MTFR1: variants seen among roughly 807,000 people sequenced by gnomAD.
MTFR1 encodes mitochondrial fission regulator 1.
In MTFR1, 28 loss-of-function variants were observed where a neutral mutation model predicts 38.8. The observed-to-expected ratio is 0.72, with a 90% CI of 0.53 to 0.99. The LOEUF is 0.99. Among genes scored for constraint, MTFR1 ranks in the 50% least tolerant of loss-of-function variants. The pLI is 0.00. For missense variants in MTFR1, 358 were observed against 395.5 expected, an observed-to-expected ratio of 0.91 and a Z score of 0.81; for synonymous variants, 145 against 137.0, an observed-to-expected ratio of 1.06 and a Z score of -0.41.
chr8:65,653,940 A>G (rs1184139362), intron 1 of MTFR1, among the ~76,000 whole-genome samples: 1 of 151,862 alleles, frequency 6.6e-6, no homozygotes, highest in East Asian at 1.9e-4. Flanking sequence ...TGATATGCCT[A>G]TAGTCCTAGC....
chr8:65,703,195 T>G (rs932158159), intron 4 of MTFR1, among the ~76,000 whole-genome samples: 1 of 151,140 alleles, frequency 6.6e-6, no homozygotes, highest in Non-Finnish European at 1.5e-5. Flanking sequence ...TGGGCAACAT[T>G]GTGAGACCCT....
intron 3 of MTFR1, among the ~76,000 whole-genome samples, chr8:65,732,469 C>T (rs994145500): frequency 1.3e-5 from 2 of 152,166 alleles, no homozygotes; most frequent in African/African-American, 2.4e-5. Context: ...GAGTATAAAA[C>T]GTGATGCTGT....
Position 65,719,534 on chromosome 8 carries a change from T to G in MTFR1, c.*48+53T>G, listed in dbSNP as rs200359177. ...GAGAAAAAGTTATTAACATATATGC[T>G]GAAACTCTATCTTTAAAACATCATC... On this transcript the variant is annotated intron_variant, in intron 3 of 3. Transcript: ENST00000521247. 5 of 1,288,526 alleles carry G rather than the reference T, an allele frequency of 3.9e-6. No individual in the cohort carries two copies. In the East Asian group the frequency reaches 1.2e-4, roughly 30 times the overall value. The allele number at this position is 1,288,526 out of a possible 1,614,324, so 79.8% of individuals were successfully genotyped here. A position where few individuals can be genotyped will look rare whatever the true frequency, so the allele number is the denominator to read the frequency against.
intron 3 of MTFR1, among the ~76,000 whole-genome samples, chr8:65,764,062 A>G (rs1169797048): frequency 6.6e-6 from 1 of 152,254 alleles, no homozygotes; most frequent in Non-Finnish European, 1.5e-5. Flanking sequence ...AACTGCACAT[A>G]CATGGGGCAG....
chr8:65,654,857 G>A (rs1809213466), intron 1 of MTFR1, among the ~76,000 whole-genome samples: 1 of 152,130 alleles, frequency 6.6e-6, no homozygotes, highest in Non-Finnish European at 1.5e-5. Context: ...GATTCCAGGT[G>A]TGAGCCACCG....
chr8:65,661,560 C>T (rs755624633), intron 1 of MTFR1, among the ~76,000 whole-genome samples: 3 of 151,918 alleles, frequency 2.0e-5, no homozygotes, highest in African/African-American at 4.8e-5. Context: ...GAACCTGGGA[C>T]GGGGGTTGCA....
At chr8:65,743,863 C>T (rs1256720317) in intron 3 of MTFR1, among the ~76,000 whole-genome samples, 1 of 150,716 alleles carries the variant, frequency 6.6e-6, no homozygotes, top group African/African-American at 2.4e-5. Flanking sequence ...GAGACAGTCT[C>T]GCTCTATTGC....
intron 3 of MTFR1, among the ~76,000 whole-genome samples, chr8:65,740,595 T>C (rs1001057343): frequency 6.6e-6 from 1 of 152,172 alleles, no homozygotes; most frequent in Admixed American, 6.5e-5. Context: ...AGAGACAGGG[T>C]TTCACTTTGT....
At chr8:65,659,139 G>A (rs980429719) in intron 1 of MTFR1, among the ~76,000 whole-genome samples, 11 of 152,102 alleles carry the variant, frequency 7.2e-5, no homozygotes, top group African/African-American at 2.4e-4. Flanking sequence ...GGAGTCCACC[G>A]TCTATGTCAC....
downstream of MTFR1, among the ~76,000 whole-genome samples, chr8:65,771,706 C>T (rs947899600): frequency 6.6e-6 from 1 of 151,754 alleles, no homozygotes; most frequent in Admixed American, 6.6e-5. Flanking sequence ...GAAACCCCAT[C>T]TCTACTAAAA....
intron 3 of MTFR1, among the ~76,000 whole-genome samples, chr8:65,734,102 T>C (rs886132629): frequency 6.6e-6 from 1 of 152,200 alleles, no homozygotes; most frequent in Non-Finnish European, 1.5e-5. Context: ...GGATGTCAAA[T>C]ACATTTAATA....
intron 1 of MTFR1, among the ~76,000 whole-genome samples, chr8:65,661,641 A>G (rs1809417240): frequency 6.6e-6 from 1 of 152,086 alleles, no homozygotes; most frequent in African/African-American, 2.4e-5. Context: ...AAATAAATAC[A>G]TAAATACATA....
In MTFR1 at chr8:65,766,147, T is replaced by C. The variant is rs1339072094; in HGVS notation, c.*49-4800T>C. On this transcript the variant is annotated intron_variant, in intron 3 of 3. Transcript: ENST00000521247. Reference sequence around the variant, plus strand: ...TTTTAGTAGAGATGGGGTTTCGCCATGTTGGCCAGGCTGGTCTTGAACTCC... The same window carrying C: ...TTTTAGTAGAGATGGGGTTTCGCCACGTTGGCCAGGCTGGTCTTGAACTCC... 2.0e-5 allele frequency among the ~76,000 whole-genome samples: 3 copies of C among 152,198 alleles called. No homozygotes were observed. The East Asian group carries it at 5.8e-4, about 29-fold the overall frequency.
chr8:65,746,812 C>G (rs1807696584), intron 3 of MTFR1, among the ~76,000 whole-genome samples: 1 of 152,132 alleles, frequency 6.6e-6, no homozygotes, highest in Non-Finnish European at 1.5e-5. Context: ...CCACTGATTT[C>G]TTTTACTAAA....
At chr8:65,688,964 G>A (rs1004914749) in intron 3 of MTFR1, among the ~76,000 whole-genome samples, 2 of 151,868 alleles carry the variant, frequency 1.3e-5, no homozygotes, top group African/African-American at 4.8e-5. Context: ...GGTCAACATG[G>A]TGAAACCCCA....
intron 3 of MTFR1, among the ~76,000 whole-genome samples, chr8:65,734,606 C>T (rs969326315): frequency 3.3e-5 from 5 of 152,164 alleles, no homozygotes; most frequent in Non-Finnish European, 5.9e-5. Context: ...TCTCAACAAC[C>T]ACCCAATTCT....
chr8:65,738,680 G>A (rs151309242), intron 3 of MTFR1, among the ~76,000 whole-genome samples: 6,107 of 152,230 alleles, frequency 0.04, 180 homozygotes, highest in Non-Finnish European at 0.062. Flanking sequence ...TGATCCACCC[G>A]CCTCAGCCTC....
intron 7 of MTFR1, among the ~76,000 whole-genome samples, chr8:65,708,700 C>T (rs1322874737): frequency 6.6e-6 from 1 of 152,188 alleles, no homozygotes; most frequent in East Asian, 1.9e-4. Context: ...TCTCTTTACT[C>T]AGAGAAGTAA....
chr8:65,719,409 C>T lies in MTFR1; in HGVS notation c.411C>T (p.His137=), dbSNP rs374376828. The T allele has an allele frequency of 2.1e-5, 34 of 1,613,870 alleles. No individual in the cohort carries two copies. In the Middle Eastern group the frequency reaches 8.2e-4, roughly 39 times the overall value. ...TTCCAGCTGGCTTTATTCAGCCCCA[C>T]GTGTCCAAGCATTGTCTGGGATAGC... The change falls in exon 3 of 4, where the codon CAC becomes CAT. Residue 137 remains histidine (H), a synonymous_variant. Transcript: ENST00000521247.
Sources: gnomAD v4.1 joint callset for allele counts (sites outside exome capture counted in the v4.1 genomes callset) on GRCh38, gnomAD v4.1.1 for gene constraint, MANE v1.5 for transcripts, NCBI Gene and HGNC (gene_info 2026-07-23, HGNC 2026-07-21) for gene names.